Variants in DNMBP observed in about 807,000 individuals in gnomAD.
The protein encoded by DNMBP is dynamin-binding protein.
A neutral mutation model predicts 150.0 loss-of-function variants in DNMBP; 87 were observed. The ratio of observed to expected loss-of-function variants is 0.58; its 90% CI spans 0.49 to 0.69. The LOEUF is 0.69. DNMBP is among the 30% of genes least tolerant of loss of function. The pLI is 0.00. For missense variants in DNMBP, 1,774 were observed against 1,949.0 expected, an observed-to-expected ratio of 0.91 and a Z score of 1.69; for synonymous variants, 711 against 750.4, an observed-to-expected ratio of 0.95 and a Z score of 0.86.
chr10:99,911,991 A>G (rs1186903273), intron 4 of DNMBP, among the ~76,000 whole-genome samples: 1 of 152,328 alleles, frequency 6.6e-6, no homozygotes, highest in African/African-American at 2.4e-5. Context: ...GAGGGAGAAC[A>G]TTTACTGAAT....
Position 99,972,266 on chromosome 10 carries a change from A to G in DNMBP, c.-10-132T>C, listed in dbSNP as rs2804944. On this transcript the variant is annotated intron_variant, in intron 1 of 16. Transcript: ENST00000324109. The stretch of plus-strand genomic sequence containing the variant: ...GAAGCCAAAGCTAAGCAAATAAGTT[A>G]GTACTTCCTATTTTATTTTTGAGAC... The G allele has an allele frequency of 1.9e-3, 1,591 of 824,196 alleles. 25 individuals carry two copies. The African/African-American group carries it at 0.025, about 13-fold the overall frequency. The allele number at this position is 824,196 out of a possible 1,614,324, so 51.1% of individuals were successfully genotyped here. A position where few individuals can be genotyped will look rare whatever the true frequency, so the allele number is the denominator to read the frequency against.
intron 1 of DNMBP, among the ~76,000 whole-genome samples, chr10:99,996,629 G>A (rs924571903): frequency 4.6e-5 from 7 of 152,100 alleles, no homozygotes; most frequent in Non-Finnish European, 1.0e-4. Flanking sequence ...AATAATAAAA[G>A]TATTAAGTAG....
intron 1 of DNMBP, among the ~76,000 whole-genome samples, chr10:99,997,435 A>C (rs1191496255): frequency 6.6e-6 from 1 of 152,200 alleles, no homozygotes; most frequent in Admixed American, 6.5e-5. Context: ...CCTTGGGGCC[A>C]GACCAAACTA....
In DNMBP at chr10:99,883,966, AT is replaced by A. The variant is rs112408258; in HGVS notation, c.3997+44del. The stretch of plus-strand genomic sequence containing the variant: ...AGATTCGGGTGCAGCCAAAACTACT[AT>A]TTTTTTTTTCCAGTTACAGTCCTCT... On this transcript the variant is annotated intron_variant, in intron 15 of 16. Transcript: ENST00000324109. 2,761 of 1,401,632 alleles carry A rather than the reference AT, an allele frequency of 2.0e-3. 2 individuals carry two copies. The highest frequency in any genetic ancestry group is 6.5e-3 in the African/African-American group (443 of 68,574). 86.8% of individuals were successfully genotyped at this position (1,401,632 alleles called of 1,614,324 possible).
At chr10:99,901,802 G>A (rs1192804793) in intron 6 of DNMBP, among the ~76,000 whole-genome samples, 1 of 152,168 alleles carries the variant, frequency 6.6e-6, no homozygotes, top group Non-Finnish European at 1.5e-5. Context: ...CAGCTGTCCA[G>A]GCACGACCCC....
chr10:99,880,018 C>G lies in DNMBP; in HGVS notation c.4341G>C (p.Gly1447=). ...CATCTCTAGCTACATCTGCAGAGTC[C>G]CCTGACCTTGGCTGGGAGGTGGAGT... The part of the protein sequence containing the change: ...DPDSTSQPRS[G]DSADVARDVK... Residue 1447 remains glycine, a synonymous_variant, in exon 16 of 17, where the codon GGG becomes GGC. Coordinates refer to ENST00000324109, the MANE Select transcript of DNMBP (RefSeq NM_015221.4). The G allele has an allele frequency of 6.2e-7, 1 of 1,614,156 alleles. No homozygotes were observed. Among genetic ancestry groups the G allele is most frequent in the African/African-American group, 1.3e-5 (1 of 75,030 alleles).
At chr10:99,901,554 G>A (rs1564724966) in intron 6 of DNMBP, among the ~76,000 whole-genome samples, 1 of 152,032 alleles carries the variant, frequency 6.6e-6, no homozygotes, top group Non-Finnish European at 1.5e-5. Context: ...AAGTCAGTTA[G>A]GCATAGGAAC....
intron 11 of DNMBP, 136 bp from the exon 12 acceptor site, chr10:99,889,089 G>T (rs1050936394): frequency 1.6e-5 from 16 of 987,158 alleles, no homozygotes; most frequent in Non-Finnish European, 2.3e-5. Flanking sequence ...TGGTATTTTA[G>T]CTTTGAAATA....
At chr10:99,920,467 C>G (rs187342579) in intron 4 of DNMBP, among the ~76,000 whole-genome samples, 2 of 152,038 alleles carry the variant, frequency 1.3e-5, no homozygotes, top group African/African-American at 4.8e-5. Flanking sequence ...TCCCAGACTT[C>G]GACTTTTGGG....
At chr10:100,006,277 C>T (rs1040200653) in intron 1 of DNMBP, among the ~76,000 whole-genome samples, 3 of 152,206 alleles carry the variant, frequency 2.0e-5, no homozygotes, top group Non-Finnish European at 4.4e-5. Flanking sequence ...AGGTTGGTGT[C>T]AAGTTTTCAG....
At chr10:99,950,094 T>TG in intron 4 of DNMBP, among the ~76,000 whole-genome samples, 1 of 152,234 alleles carries the variant, frequency 6.6e-6, no homozygotes, top group East Asian at 1.9e-4. Flanking sequence ...AATTGAATCA[T>TG]GGGGGGCAGG....
chr10:99,972,354 C>T (rs545011337), intron 1 of DNMBP, among the ~76,000 whole-genome samples: 8 of 152,288 alleles, frequency 5.3e-5, no homozygotes, highest in African/African-American at 1.7e-4. Flanking sequence ...ACTGTAGCCT[C>T]GACTTCCTGG....
intron 4 of DNMBP, among the ~76,000 whole-genome samples, chr10:99,946,730 T>A (rs1673307773): frequency 6.6e-6 from 1 of 152,118 alleles, no homozygotes; most frequent in Non-Finnish European, 1.5e-5. Context: ...AACTGACAAC[T>A]GGAACCCAAT....
intron 1 of DNMBP, among the ~76,000 whole-genome samples, chr10:99,985,595 C>G (rs2040820149): frequency 1.3e-5 from 2 of 152,132 alleles, no homozygotes; most frequent in African/African-American, 2.4e-5. Context: ...ACTGAACTCT[C>G]CAGTTAACAT....
In DNMBP at chr10:99,898,074, T is replaced by C; in HGVS notation, c.2920+12A>G. ...GGGCATACCTCCTTTTCAGCAATTA[T>C]GCTGTTCTTACCCAGGTCCTTTCGC... is the stretch of plus-strand genomic sequence containing the variant. On this transcript the variant is annotated intron_variant, in intron 9 of 16. Coordinates refer to ENST00000324109, the MANE Select transcript of DNMBP (RefSeq NM_015221.4). The C allele has an allele frequency of 6.2e-7, 1 of 1,610,060 alleles. No homozygotes were observed. Among genetic ancestry groups the C allele is most frequent in the Non-Finnish European group, 8.5e-7 (1 of 1,176,242 alleles).
chr10:99,906,635 T>A (rs865958416), intron 6 of DNMBP, among the ~76,000 whole-genome samples: 1 of 152,120 alleles, frequency 6.6e-6, no homozygotes, highest in Admixed American at 6.6e-5. Context: ...TCATGACTCA[T>A]GCCACGTCGT....
intron 1 of DNMBP, among the ~76,000 whole-genome samples, chr10:100,003,152 C>G (rs2041034570): frequency 6.6e-6 from 1 of 152,148 alleles, no homozygotes; most frequent in African/African-American, 2.4e-5. Flanking sequence ...TGAGACCATC[C>G]TGGCTATCAT....
intron 4 of DNMBP, among the ~76,000 whole-genome samples, chr10:99,927,941 C>T (rs181166448): frequency 2.6e-5 from 4 of 152,042 alleles, no homozygotes; most frequent in Admixed American, 2.6e-4. Flanking sequence ...CAAAGTTCAC[C>T]AAAGGAACAG....
intron 6 of DNMBP, among the ~76,000 whole-genome samples, chr10:99,903,935 T>TC (rs1252509012): frequency 6.6e-6 from 1 of 150,814 alleles, no homozygotes; most frequent in East Asian, 2.0e-4. Context: ...TTTTTTTTTT[T>TC]CTGTAGAGAC....
Sources: gnomAD v4.1 joint callset for allele counts (sites outside exome capture counted in the v4.1 genomes callset) on GRCh38, gnomAD v4.1.1 for gene constraint, MANE v1.5 for transcripts, NCBI Gene and HGNC (gene_info 2026-07-23, HGNC 2026-07-21) for gene names.